Variants in SUGCT observed in about 807,000 individuals in gnomAD.
SUGCT encodes succinyl-CoA:glutarate CoA-transferase.
Under a neutral mutation model 55.0 loss-of-function variants are expected in SUGCT, and 41 were observed. That is an observed-to-expected ratio of 0.74 (90% CI 0.58 to 0.97). The LOEUF is 0.97. Among genes scored for constraint, SUGCT ranks in the 50% least tolerant of loss-of-function variants. SUGCT has a pLI of 0.00. For missense variants in SUGCT, 568 were observed against 547.8 expected (o/e 1.04, Z -0.37); for synonymous variants, 187 against 200.4 (o/e 0.93, Z 0.56).
chr7:40,742,461 A>C (rs771610124), intron 12 of SUGCT, among the ~76,000 whole-genome samples: 1 of 152,146 alleles, frequency 6.6e-6, no homozygotes, highest in Non-Finnish European at 1.5e-5. Flanking sequence ...TTAGATTCTC[A>C]TAAACAGCGT....
the SUGCT span, among the ~76,000 whole-genome samples, chr7:40,918,064 T>TG: frequency 3.3e-5 from 5 of 152,112 alleles, no homozygotes; most frequent in South Asian, 1.0e-3. Context: ...CATGGAGAGG[T>TG]GGGAAATGTT....
At chr7:41,014,313 C>G in the SUGCT span, among the ~76,000 whole-genome samples, 1 of 152,128 alleles carries the variant, frequency 6.6e-6, no homozygotes, top group Non-Finnish European at 1.5e-5. Flanking sequence ...CAATCATTCC[C>G]ATGAAACTTT....
chr7:40,656,903 C>T (rs1801042310), intron 12 of SUGCT, among the ~76,000 whole-genome samples: 1 of 152,214 alleles, frequency 6.6e-6, no homozygotes. Context: ...ACATTTAGTT[C>T]ACACATCATT....
intron 9 of SUGCT, among the ~76,000 whole-genome samples, chr7:40,421,716 T>C (rs538967514): frequency 6.6e-6 from 1 of 152,272 alleles, no homozygotes; most frequent in Admixed American, 6.5e-5. Context: ...CCATGACTGC[T>C]TACCAGTGGG....
chr7:40,717,487 C>T (rs1331860403), intron 12 of SUGCT, among the ~76,000 whole-genome samples: 2 of 152,240 alleles, frequency 1.3e-5, no homozygotes, highest in Non-Finnish European at 1.5e-5. Flanking sequence ...CTCCAGTCCA[C>T]TGTGGGCATG....
At chr7:40,748,460 G>A (rs1584379880) in intron 12 of SUGCT, among the ~76,000 whole-genome samples, 2 of 151,840 alleles carry the variant, frequency 1.3e-5, no homozygotes, top group African/African-American at 4.8e-5. Flanking sequence ...TTGTTTTAAA[G>A]AGTTTTGTAT....
chr7:40,635,825 C>A (rs1799998198), intron 12 of SUGCT, among the ~76,000 whole-genome samples: 1 of 152,192 alleles, frequency 6.6e-6, no homozygotes, highest in Non-Finnish European at 1.5e-5. Flanking sequence ...TGTGCAGATA[C>A]CCAGGTATCA....
chr7:40,418,620 A>G (rs1009979514), intron 9 of SUGCT, among the ~76,000 whole-genome samples: 2 of 152,134 alleles, frequency 1.3e-5, no homozygotes, highest in African/African-American at 4.8e-5. Context: ...CTTAGCCCCT[A>G]CCAGCTGCAA....
At chr7:40,358,184 A>G (rs1160581133) in intron 9 of SUGCT, among the ~76,000 whole-genome samples, 1 of 152,260 alleles carries the variant, frequency 6.6e-6, no homozygotes, top group African/African-American at 2.4e-5. Context: ...GAGCTTAAAG[A>G]TGATGGGTTA....
rs112411642 is a variant in SUGCT, at chr7:40,787,050, G to A, written c.1153+37553G>A. On this transcript the variant is annotated intron_variant, in intron 13 of 13. Transcript: ENST00000335693. Reference sequence around the variant, plus strand: ...CTTGACTCTCAGTCCTCCGCTGTCAGAATTGAATTGTAAGTCCTGGGCAGA... The same window carrying A: ...CTTGACTCTCAGTCCTCCGCTGTCAAAATTGAATTGTAAGTCCTGGGCAGA... Among the ~76,000 whole-genome samples, 432 of 152,220 alleles carry A rather than the reference G, an allele frequency of 2.8e-3. 2 individuals carry two copies. The highest frequency in any genetic ancestry group is 0.01 in the Middle Eastern group (3 of 294).
intron 12 of SUGCT, among the ~76,000 whole-genome samples, chr7:40,565,827 A>ATT (rs1304503547): frequency 6.6e-6 from 1 of 152,150 alleles, no homozygotes; most frequent in East Asian, 1.9e-4. Context: ...TATATGGAAT[A>ATT]TTCTTTTTAC....
chr7:40,331,860 C>T (rs995468287), intron 9 of SUGCT, among the ~76,000 whole-genome samples: 4 of 152,160 alleles, frequency 2.6e-5, no homozygotes, highest in African/African-American at 9.7e-5. Context: ...GAAAATTTCC[C>T]TCATGGTGAT....
intron 12 of SUGCT, among the ~76,000 whole-genome samples, chr7:40,728,517 C>CA (rs1786723943): frequency 6.6e-6 from 1 of 150,558 alleles, no homozygotes; most frequent in African/African-American, 2.4e-5. Context: ...GACTCAGTCT[C>CA]AAAAAAAGAA....
intron 12 of SUGCT, chr7:40,499,630 A>G (rs1367292381): frequency 6.6e-6 from 1 of 152,366 alleles, no homozygotes; most frequent in Non-Finnish European, 1.5e-5. Context: ...GCATTTACTG[A>G]AAGTTCTGAG....
chr7:40,337,551 T>G (rs1313377339), intron 9 of SUGCT, among the ~76,000 whole-genome samples: 1 of 152,220 alleles, frequency 6.6e-6, no homozygotes, highest in African/African-American at 2.4e-5. Flanking sequence ...GTCTGTTTTA[T>G]CAGAGACTAG....
chr7:40,150,754 T>G (rs557041643), intron 1 of SUGCT, among the ~76,000 whole-genome samples: 1 of 152,182 alleles, frequency 6.6e-6, no homozygotes. Flanking sequence ...AAAACTCCGG[T>G]CTTCCGCTCA....
the SUGCT span, among the ~76,000 whole-genome samples, chr7:40,891,004 A>G: frequency 6.6e-6 from 1 of 152,190 alleles, no homozygotes; most frequent in African/African-American, 2.4e-5. Flanking sequence ...AGAATTTAAG[A>G]GCATAATGTT....
chr7:40,435,062 C>T (rs1244220195), intron 9 of SUGCT, among the ~76,000 whole-genome samples: 6 of 152,114 alleles, frequency 3.9e-5, no homozygotes, highest in Non-Finnish European at 8.8e-5. Context: ...TTCCAACCCT[C>T]TGTACAGGAA....
chr7:40,777,511 G>C (rs1267311542), intron 13 of SUGCT, among the ~76,000 whole-genome samples: 1 of 151,794 alleles, frequency 6.6e-6, no homozygotes. Flanking sequence ...AATGTTGTTA[G>C]TATTAAATTT....
Sources: gnomAD v4.1 joint callset for allele counts (sites outside exome capture counted in the v4.1 genomes callset) on GRCh38, gnomAD v4.1.1 for gene constraint, MANE v1.5 for transcripts, NCBI Gene and HGNC (gene_info 2026-07-23, HGNC 2026-07-21) for gene names.